The following SIPA1L3 variants were observed in gnomAD, a reference collection of about 807,000 sequenced individuals.
The protein encoded by SIPA1L3 is signal-induced proliferation-associated 1-like protein 3.
In SIPA1L3, 59 loss-of-function variants were observed where a neutral mutation model predicts 150.1. That is an observed-to-expected ratio of 0.39 (90% CI 0.32 to 0.49). The LOEUF is 0.49. SIPA1L3 is among the 20% of genes least tolerant of loss of function. The pLI, the probability that SIPA1L3 is intolerant of heterozygous loss-of-function variation, is 0.86. For synonymous variants in SIPA1L3, 1,070 were observed against 1,077.6 expected (o/e 0.99, Z 0.14); for missense variants, 2,211 against 2,489.5 (o/e 0.89, Z 2.38).
chr19:37,921,108 C>T (rs1211373241), intron 1 of SIPA1L3, among the ~76,000 whole-genome samples: 3 of 152,182 alleles, frequency 2.0e-5, no homozygotes, highest in Non-Finnish European at 4.4e-5. Context: ...AGGCAGGAAA[C>T]GTGCCCCTTT....
intron 2 of SIPA1L3, among the ~76,000 whole-genome samples, chr19:38,057,943 T>C (rs1468639409): frequency 3.9e-5 from 6 of 152,188 alleles, no homozygotes; most frequent in Non-Finnish European, 1.5e-5. Flanking sequence ...ATTACAGGCC[T>C]GAGCCACCAT....
In SIPA1L3 at chr19:37,920,249, G is replaced by A. The variant is rs139619056; in HGVS notation, c.-379+12891G>A. On this transcript the variant is annotated intron_variant, in intron 1 of 21. Coordinates refer to ENST00000222345, the MANE Select transcript of SIPA1L3 (RefSeq NM_015073.3). Reference sequence around the variant, plus strand: ...AATTTTTAATTTTTTTGTAGAGATGGGATCTCTCTATGTTGCCCAGGCCGG... The same window carrying A: ...AATTTTTAATTTTTTTGTAGAGATGAGATCTCTCTATGTTGCCCAGGCCGG... Among the ~76,000 whole-genome samples, 1,063 of 151,760 alleles carry A rather than the reference G, an allele frequency of 7.0e-3. 32 individuals are homozygous for A. The highest frequency in any genetic ancestry group is 0.069 in the East Asian group (353 of 5,138).
At chr19:37,920,694 A>C (rs1315209708) in intron 1 of SIPA1L3, among the ~76,000 whole-genome samples, 3 of 152,192 alleles carry the variant, frequency 2.0e-5, no homozygotes, top group Non-Finnish European at 4.4e-5. Context: ...CACTTATATA[A>C]TACAAATGTT....
intron 12 of SIPA1L3, among the ~76,000 whole-genome samples, chr19:38,143,871 T>G (rs1345913499): frequency 1.3e-5 from 2 of 152,036 alleles, no homozygotes; most frequent in African/African-American, 2.4e-5. Flanking sequence ...GCCTGTCCCC[T>G]GCTCCAAACC....
chr19:38,104,625 G>T (rs1436160614), intron 6 of SIPA1L3, among the ~76,000 whole-genome samples: 2 of 152,068 alleles, frequency 1.3e-5, no homozygotes, highest in Non-Finnish European at 2.9e-5. Flanking sequence ...AGGCTGGAGT[G>T]CATTAGAACG....
chr19:38,092,494 G>A (rs910757299), intron 4 of SIPA1L3, among the ~76,000 whole-genome samples: 1 of 152,140 alleles, frequency 6.6e-6, no homozygotes, highest in African/African-American at 2.4e-5. Flanking sequence ...CTGGCTTGAT[G>A]CCATTCCCAG....
intron 19 of SIPA1L3, chr19:38,199,803 A>G (rs1473423771): frequency 6.6e-6 from 1 of 152,104 alleles, no homozygotes; most frequent in African/African-American, 2.4e-5. Context: ...AGACTAAAGG[A>G]ATTCTCATTA....
chr19:38,158,448 G>A (rs993093878), intron 13 of SIPA1L3, among the ~76,000 whole-genome samples: 2 of 152,142 alleles, frequency 1.3e-5, no homozygotes, highest in African/African-American at 2.4e-5. Context: ...GGGAGGGGAC[G>A]GGCAGAGTAT....
At chr19:37,949,490 A>G (rs577667944) in intron 1 of SIPA1L3, among the ~76,000 whole-genome samples, 2 of 152,130 alleles carry the variant, frequency 1.3e-5, no homozygotes, top group East Asian at 3.9e-4. Context: ...ACATGGTGAA[A>G]CCCCATCTCT....
intron 2 of SIPA1L3, among the ~76,000 whole-genome samples, chr19:38,057,075 A>G (rs1208442686): frequency 6.6e-6 from 1 of 152,106 alleles, no homozygotes; most frequent in Admixed American, 6.6e-5. Flanking sequence ...GTTCGAGACC[A>G]GTCTGGCCAA....
chr19:38,033,320 T>A (rs1385325996), intron 2 of SIPA1L3, among the ~76,000 whole-genome samples: 2 of 152,198 alleles, frequency 1.3e-5, no homozygotes, highest in African/African-American at 4.8e-5. Flanking sequence ...TAAGTTTGCT[T>A]TTCTTTGTAG....
At chr19:37,994,988 G>T (rs907005793) in intron 1 of SIPA1L3, among the ~76,000 whole-genome samples, 4 of 152,148 alleles carry the variant, frequency 2.6e-5, no homozygotes, top group African/African-American at 9.7e-5. Context: ...TGGTGGGGTT[G>T]GTCATTGTGT....
At chr19:38,091,138 C>T (rs1238925614) in intron 4 of SIPA1L3, among the ~76,000 whole-genome samples, 1 of 152,224 alleles carries the variant, frequency 6.6e-6, no homozygotes, top group Non-Finnish European at 1.5e-5. Context: ...GTAATCCCAG[C>T]ACTTTGGGAG....
chr19:38,090,460 A>G (rs1019889801), intron 4 of SIPA1L3, among the ~76,000 whole-genome samples: 3 of 152,130 alleles, frequency 2.0e-5, no homozygotes, highest in South Asian at 4.1e-4. Context: ...CCGGTCTAGC[A>G]TGTGTTACCC....
intron 1 of SIPA1L3, among the ~76,000 whole-genome samples, chr19:37,933,369 TATTAA>T (rs1182630274): frequency 2.6e-5 from 4 of 152,082 alleles, no homozygotes; most frequent in Non-Finnish European, 5.9e-5. Context: ...CCTCTCTCCT[TATTAA>T]ATTGCACCTT....
intron 2 of SIPA1L3, among the ~76,000 whole-genome samples, chr19:38,038,238 G>A (rs1406077808): frequency 6.6e-6 from 1 of 152,150 alleles, no homozygotes; most frequent in African/African-American, 2.4e-5. Flanking sequence ...ATGGCTGCTG[G>A]AAAGGAGTTC....
intron 15 of SIPA1L3, among the ~76,000 whole-genome samples, chr19:38,167,148 G>A (rs1172979584): frequency 3.3e-5 from 5 of 150,710 alleles, no homozygotes; most frequent in South Asian, 2.1e-4. Context: ...CAGGAGAATC[G>A]CTTGAATCTG....
chr19:38,101,822 G>A (rs953715048), intron 6 of SIPA1L3, among the ~76,000 whole-genome samples: 4 of 152,150 alleles, frequency 2.6e-5, no homozygotes, highest in East Asian at 1.9e-4. Flanking sequence ...TAATGTGCAC[G>A]TGCATGGCAG....
chr19:38,099,943 C>T lies in SIPA1L3; in HGVS notation c.1666-19C>T. On this transcript the variant is annotated intron_variant, in intron 4 of 21. Coordinates refer to ENST00000222345, the MANE Select transcript of SIPA1L3 (RefSeq NM_015073.3). Reference sequence around the variant, plus strand: ...AGGTCTCGAGAGCCCCCTAACCTTCCCTTCTCTCCCTTGAGTAGCTCATCA... The same window carrying T: ...AGGTCTCGAGAGCCCCCTAACCTTCTCTTCTCTCCCTTGAGTAGCTCATCA... 6.4e-7 allele frequency: 1 copy of T among 1,570,698 alleles called. No homozygotes were observed. Among genetic ancestry groups the T allele is most frequent in the Non-Finnish European group, 8.6e-7 (1 of 1,165,292 alleles).
Sources: gnomAD v4.1 joint callset for allele counts (sites outside exome capture counted in the v4.1 genomes callset) on GRCh38, gnomAD v4.1.1 for gene constraint, MANE v1.5 for transcripts, NCBI Gene and HGNC (gene_info 2026-07-23, HGNC 2026-07-21) for gene names.